The following KCNK5 variants were observed in gnomAD, a reference collection of about 807,000 sequenced individuals.
The protein encoded by KCNK5 is potassium channel subfamily K member 5.
Under a neutral mutation model 32.9 loss-of-function variants are expected in KCNK5, and 18 were observed. The observed-to-expected ratio is 0.55, with a 90% confidence interval of 0.38 to 0.81. The LOEUF (loss-of-function observed/expected upper bound fraction) is 0.81. KCNK5 is among the 30% of genes least tolerant of loss of function. The pLI, the probability that KCNK5 is intolerant of heterozygous loss-of-function variation, is 0.00. For missense variants in KCNK5, 507 were observed against 651.0 expected, an observed-to-expected ratio of 0.78 and a Z score of 2.41; for synonymous variants, 276 against 275.3, an observed-to-expected ratio of 1.00 and a Z score of -0.03.
intron 2 of KCNK5, among the ~76,000 whole-genome samples, chr6:39,195,136 A>C (rs1407837332): frequency 6.6e-6 from 1 of 152,206 alleles, no homozygotes; most frequent in East Asian, 1.9e-4. Context: ...CTTCTTATGC[A>C]ACTGCTCACA....
At chr6:39,199,801 C>T (rs1191801244) in intron 1 of KCNK5, among the ~76,000 whole-genome samples, 1 of 152,172 alleles carries the variant, frequency 6.6e-6, no homozygotes, top group Non-Finnish European at 1.5e-5. Context: ...AGAAGCTGTG[C>T]TAGTGCTGCT....
chr6:39,228,790 A>G, intron 1 of KCNK5, 136 bp downstream of exon 1: 1 of 807,472 alleles, frequency 1.2e-6, no homozygotes, highest in Non-Finnish European at 2.0e-6. Context: ...CCATGATGAG[A>G]CACGCTCTCT....
intron 1 of KCNK5, among the ~76,000 whole-genome samples, chr6:39,215,266 C>A (rs1771411646): frequency 6.6e-6 from 1 of 152,166 alleles, no homozygotes; most frequent in Non-Finnish European, 1.5e-5. Flanking sequence ...CCTCGGCTCA[C>A]CCCACTTCGC....
intron 1 of KCNK5, among the ~76,000 whole-genome samples, chr6:39,226,021 G>A (rs1427328196): frequency 1.3e-5 from 2 of 152,188 alleles, no homozygotes; most frequent in African/African-American, 2.4e-5. Flanking sequence ...CTCTATTGGA[G>A]CCTCACCAAA....
At chr6:39,216,301 AAAC>A (rs1195714895) in intron 1 of KCNK5, among the ~76,000 whole-genome samples, 2 of 152,132 alleles carry the variant, frequency 1.3e-5, no homozygotes, top group African/African-American at 4.8e-5. Context: ...AAACTAAACA[AAAC>A]AAAAACAAAA....
Position 39,191,436 on chromosome 6 carries a change from AC to A in KCNK5, c.953del (p.Gly318ValfsTer28). The A allele has an allele frequency of 6.2e-7, 1 of 1,608,546 alleles. No individual in the cohort carries two copies. Among genetic ancestry groups the A allele is most frequent in the Non-Finnish European group, 8.5e-7 (1 of 1,177,094 alleles). ...GCCCTGGGCCCGGGCCCGTCTCCCC[AC>A]CCCCGCTTGTCTTCATGGCCTTCTT... ...IGKKAMKTSG[G>X]GETGPGPGLG... is the part of the protein sequence containing the mutation. On this transcript the variant is annotated frameshift_variant, in exon 5 of 5. Transcript: ENST00000359534. LOFTEE classifies it low-confidence loss of function (END_TRUNC). The surrounding 1 kb of genome is among the most constrained non-coding windows in gnomAD (Gnocchi z 5.8).
At chr6:39,207,237 C>G (rs1771243886) in intron 1 of KCNK5, among the ~76,000 whole-genome samples, 2 of 152,234 alleles carry the variant, frequency 1.3e-5, no homozygotes, top group Non-Finnish European at 1.5e-5. Flanking sequence ...CCTCACCTCA[C>G]TGCACTCATC....
intron 1 of KCNK5, among the ~76,000 whole-genome samples, chr6:39,214,070 T>A (rs928219071): frequency 2.0e-5 from 3 of 150,658 alleles, no homozygotes; most frequent in Non-Finnish European, 4.4e-5. Context: ...GGTGGGTAGG[T>A]GGAGATGGAG....
At chr6:39,217,118 C>CAAAAAAAAAAAAAAACAAAAAA (rs1771451516) in intron 1 of KCNK5, among the ~76,000 whole-genome samples, 1 of 74,446 alleles carries the variant, frequency 1.3e-5, no homozygotes, top group Non-Finnish European at 2.7e-5. Context: ...AAAACTCCAT[C>CAAAAAAAAAAAAAAACAAAAAA]AAAAAAAAAA....
chr6:39,227,313 T>C (rs1041549520), intron 1 of KCNK5, among the ~76,000 whole-genome samples: 2 of 152,036 alleles, frequency 1.3e-5, no homozygotes, highest in African/African-American at 4.8e-5. Flanking sequence ...TGGAACAAAC[T>C]AAACAAAAAC....
intron 1 of KCNK5, among the ~76,000 whole-genome samples, chr6:39,214,804 C>T (rs1210907703): frequency 6.6e-6 from 1 of 152,126 alleles, no homozygotes; most frequent in African/African-American, 2.4e-5. Flanking sequence ...ACAGCCCAAG[C>T]CTACAGGAAC....
At chr6:39,205,725 G>C (rs995582641) in intron 1 of KCNK5, among the ~76,000 whole-genome samples, 9 of 152,280 alleles carry the variant, frequency 5.9e-5, no homozygotes, top group African/African-American at 1.9e-4. Context: ...GGGATCCCTT[G>C]AGCCTGTCCA....
Position 39,229,081 on chromosome 6 carries a change from C to T in KCNK5, c.31G>A (p.Ala11Thr). 1 of 1,614,126 alleles carries T rather than the reference C, an allele frequency of 6.2e-7. No homozygotes were observed. The highest frequency in any genetic ancestry group is 8.5e-7 in the Non-Finnish European group (1 of 1,180,012). MVDRGPLLTS[A>T]IIFYLAIGAA... ...CCGATGGCCAGGTAGAAGATGATGG[C>T]CGAGGTGAGCAGAGGGCCCCGGTCC... The change falls in exon 1 of 5, where the codon GCC becomes ACC. Residue 11 changes from alanine (A) to threonine (T), a missense_variant. Transcript: ENST00000359534.
chr6:39,226,670 C>T (rs1771676803), intron 1 of KCNK5, among the ~76,000 whole-genome samples: 1 of 152,176 alleles, frequency 6.6e-6, no homozygotes, highest in Admixed American at 6.5e-5. Flanking sequence ...TTTCATTTTT[C>T]CTTAAACCAA....
intron 1 of KCNK5, among the ~76,000 whole-genome samples, chr6:39,218,547 T>G (rs1362029080): frequency 6.6e-6 from 1 of 151,788 alleles, no homozygotes; most frequent in African/African-American, 2.4e-5. Context: ...TGGCATCCAT[T>G]TGGCTGCCAG....
In KCNK5 at chr6:39,210,642, T is replaced by A. The variant is rs559091344; in HGVS notation, c.187-14655A>T. Among the ~76,000 whole-genome samples, 7 of 152,302 alleles carry A rather than the reference T, an allele frequency of 4.6e-5. No homozygotes were observed. The East Asian group carries it at 1.2e-3, about 25-fold the overall frequency. ...AAGTGTTTGCTGAACACCAACCATGTGCCCAGGCACTGGGCAAAATAAAGG... is the reference window on the plus strand; with the variant it reads ...AAGTGTTTGCTGAACACCAACCATGAGCCCAGGCACTGGGCAAAATAAAGG... On this transcript the variant is annotated intron_variant, in intron 1 of 4. Transcript: ENST00000359534.
In KCNK5 at chr6:39,191,507, A is replaced by G. The variant is rs1413715433; in HGVS notation, c.883T>C (p.Ser295Pro). Residue 295 changes from serine (S) to proline (P), a missense_variant, in exon 5 of 5, where the codon TCC becomes CCC. Around this residue, in one of 6 missense-constraint regions of KCNK5, gnomAD observed 3 missense variants for 18.5 expected, o/e 0.16. Coordinates refer to ENST00000359534, the MANE Select transcript of KCNK5 (RefSeq NM_003740.4). The surrounding 1 kb of genome is among the most constrained non-coding windows in gnomAD (Gnocchi z 5.8). ...SKDVNIFSFLSKKEETYNDLI... is the reference protein window; with the variant it reads ...SKDVNIFSFLPKKEETYNDLI... ...TCGTTGTAGGTCTCTTCCTTCTTGG[A>G]AAGAAAGCTGAAGATGTTGACGTCC... is the stretch of plus-strand genomic sequence containing the variant. 6 of 1,613,708 alleles carry G rather than the reference A, an allele frequency of 3.7e-6. No homozygotes were observed. Among genetic ancestry groups the G allele is most frequent in the Non-Finnish European group, 5.1e-6 (6 of 1,179,980 alleles).
intron 1 of KCNK5, among the ~76,000 whole-genome samples, chr6:39,198,959 C>T (rs974037667): frequency 6.6e-6 from 1 of 152,192 alleles, no homozygotes; most frequent in Non-Finnish European, 1.5e-5. Context: ...GGGTTCTCCA[C>T]TGGGGTGGTA....
chr6:39,195,024 A>G (rs953727020), intron 2 of KCNK5, among the ~76,000 whole-genome samples: 2 of 152,174 alleles, frequency 1.3e-5, no homozygotes, highest in South Asian at 4.1e-4. Context: ...CCACTAGTCT[A>G]TATGGTACCA....
Sources: allele counts gnomAD v4.1 joint callset (sites outside exome capture counted in the v4.1 genomes callset), GRCh38; gene constraint gnomAD v4.1.1; regional missense constraint gnomAD v4.1.1; non-coding constraint Gnocchi (gnomAD v3.1); transcripts MANE v1.5; gene names NCBI Gene and HGNC (gene_info 2026-07-23, HGNC 2026-07-21).